KSR2: variants seen among roughly 807,000 people sequenced by gnomAD.
The protein encoded by KSR2 is kinase suppressor of ras 2.
A neutral mutation model predicts 107.8 loss-of-function variants in KSR2; 25 were observed. That is an observed-to-expected ratio of 0.23 (90% CI 0.17 to 0.32). KSR2 has a LOEUF of 0.32. Ranked by LOEUF, KSR2 falls within the 10% of genes least tolerant of loss-of-function variation. The probability of loss-of-function intolerance (pLI) is 1.00; values close to 1 mark genes in which losing one functional copy is unlikely to be tolerated. For missense variants in KSR2, 887 were observed against 1,268.9 expected (o/e 0.70, Z 4.57); for synonymous variants, 480 against 507.0 (o/e 0.95, Z 0.71).
chr12:117,779,796 C>T (rs1252822635), intron 3 of KSR2, among the ~76,000 whole-genome samples: 1 of 152,202 alleles, frequency 6.6e-6, no homozygotes, highest in Non-Finnish European at 1.5e-5. Flanking sequence ...CCATGCAGAA[C>T]TATAAGTCAA....
At chr12:117,619,221 T>A (rs905987730) in intron 5 of KSR2, among the ~76,000 whole-genome samples, 2 of 152,064 alleles carry the variant, frequency 1.3e-5, no homozygotes. Context: ...TTTTTTTTTT[T>A]TTATTCTACT....
rs867759350 is a variant in KSR2, at chr12:117,667,414, G to A, written c.1171+60C>T. The A allele has an allele frequency of 9.4e-6, 14 of 1,488,096 alleles. No individual in the cohort carries two copies. The Middle Eastern group carries it at 2.4e-3, about 252-fold the overall frequency. The allele number at this position is 1,488,096 out of a possible 1,614,324, so 92.2% of individuals were successfully genotyped here. On this transcript the variant is annotated intron_variant, in intron 5 of 19. Coordinates refer to ENST00000339824, the MANE Select transcript of KSR2 (RefSeq NM_173598.6). ...GCACCTGGCACAGAGGACAGCAGGT[G>A]CTGGGGAGAAGGAGGTGGCATGGCA...
At position 117,572,427 on chromosome 12, in the gene KSR2, C is replaced by A. The variant is rs575278580; in HGVS notation, c.1325+6692G>T. Among the ~76,000 whole-genome samples, 28 of 152,186 alleles carry A rather than the reference C, an allele frequency of 1.8e-4. No individual in the cohort carries two copies. The East Asian group carries it at 4.8e-3, about 26-fold the overall frequency. On this transcript the variant is annotated intron_variant, in intron 7 of 19. Coordinates refer to ENST00000339824, the MANE Select transcript of KSR2 (RefSeq NM_173598.6). ...AGGAAGTGGCAATGTTAAGCTTGCA[C>A]CTTGATCCCGAGATAGGTGGGGCCA...
At chr12:117,646,944 C>G (rs1883674776) in intron 5 of KSR2, among the ~76,000 whole-genome samples, 1 of 151,810 alleles carries the variant, frequency 6.6e-6, no homozygotes, top group African/African-American at 2.4e-5. Context: ...ATGATTACAG[C>G]CAGCGGGGAG....
At chr12:117,873,888 A>G (rs1330447886) in intron 1 of KSR2, among the ~76,000 whole-genome samples, 1 of 152,248 alleles carries the variant, frequency 6.6e-6, no homozygotes, top group Non-Finnish European at 1.5e-5. Flanking sequence ...GGATAAGCAC[A>G]GAAATCAAGA....
intron 5 of KSR2, among the ~76,000 whole-genome samples, chr12:117,611,774 A>G (rs1473480768): frequency 6.6e-6 from 1 of 152,218 alleles, no homozygotes; most frequent in Non-Finnish European, 1.5e-5. Context: ...CACCTTTGTG[A>G]TTTCAGCCCT....
chr12:117,855,282 C>T (rs1320650307), intron 3 of KSR2, 146 bp downstream of exon 3: 6 of 1,019,880 alleles, frequency 5.9e-6, no homozygotes, highest in East Asian at 2.6e-5. Flanking sequence ...CCCAGGTCCA[C>T]GCTGCCTCTT....
chr12:117,893,626 C>A (rs1894414511), intron 1 of KSR2, among the ~76,000 whole-genome samples: 1 of 152,172 alleles, frequency 6.6e-6, no homozygotes, highest in South Asian at 2.1e-4. Context: ...CTAACACCCA[C>A]TCCAAATGAA....
At chr12:117,817,909 G>A (rs180952363) in intron 3 of KSR2, among the ~76,000 whole-genome samples, 416 of 151,936 alleles carry the variant, frequency 2.7e-3, no homozygotes, top group Non-Finnish European at 4.3e-3. Flanking sequence ...AAGACAAGGC[G>A]GGCCAACACA....
rs191767754 is a variant in KSR2, at chr12:117,471,466, A to G, written c.2583-146T>C. On this transcript the variant is annotated intron_variant, in intron 17 of 19. Coordinates refer to ENST00000339824, the MANE Select transcript of KSR2 (RefSeq NM_173598.6). ...TTCCTCATGGGGTTGGTATTTTGCC[A>G]TGTGCGACATACCTAAAGCTTTCTT... The G allele has an allele frequency of 9.5e-4, 702 of 741,620 alleles. 4 individuals are homozygous for G. In the African/African-American group the frequency reaches 0.012, roughly 12 times the overall value. The allele number at this position is 741,620 out of a possible 1,614,324, so 45.9% of individuals were successfully genotyped here.
At chr12:117,467,812 T>A in intron 19 of KSR2, 1 of 430,846 alleles carries the variant, frequency 2.3e-6, no homozygotes, top group Non-Finnish European at 4.5e-6. Flanking sequence ...TAAAAGATGT[T>A]CAGTACACAT....
chr12:117,730,950 C>T (rs1379143611), intron 4 of KSR2, among the ~76,000 whole-genome samples: 3 of 151,488 alleles, frequency 2.0e-5, no homozygotes, highest in Non-Finnish European at 4.4e-5. Flanking sequence ...AAGTGAGGAG[C>T]GTCTCTGCCT....
intron 4 of KSR2, among the ~76,000 whole-genome samples, chr12:117,736,417 C>T (rs1887939592): frequency 6.6e-6 from 1 of 152,196 alleles, no homozygotes; most frequent in Admixed American, 6.5e-5. Flanking sequence ...CAGTGCCTGG[C>T]CCATAATAAG....
chr12:117,650,866 GC>G (rs1411238748), intron 5 of KSR2, among the ~76,000 whole-genome samples: 4 of 152,206 alleles, frequency 2.6e-5, no homozygotes, highest in African/African-American at 9.6e-5. Context: ...TACTAAGATT[GC>G]CCTGAGTGAG....
Position 117,784,524 on chromosome 12 carries a change from A to T in KSR2, c.473-23000T>A, listed in dbSNP as rs1269810447. ...GCTAATACAGTCAGGTAATTAGCAC[A>T]GTACCAAATAGGGAGTTGTTCAGCA... On this transcript the variant is annotated intron_variant, in intron 3 of 19. Coordinates refer to ENST00000339824, the MANE Select transcript of KSR2 (RefSeq NM_173598.6). 4.6e-5 allele frequency among the ~76,000 whole-genome samples: 7 copies of T among 152,190 alleles called. No individual in the cohort carries two copies. In the East Asian group the frequency reaches 1.3e-3, roughly 29 times the overall value.
chr12:117,734,991 C>T (rs1887885727), intron 4 of KSR2, among the ~76,000 whole-genome samples: 1 of 152,174 alleles, frequency 6.6e-6, no homozygotes, highest in South Asian at 2.1e-4. Context: ...GCCCTCACGG[C>T]CTCCACTTTC....
chr12:117,555,443 C>T (rs1316849599), intron 8 of KSR2, 150 bp from the exon 9 acceptor site: 6 of 734,342 alleles, frequency 8.2e-6, no homozygotes, highest in Admixed American at 7.5e-5. Flanking sequence ...GTGGTGGGAT[C>T]AGGGTATACT....
intron 14 of KSR2, among the ~76,000 whole-genome samples, chr12:117,494,214 TG>T (rs1255178117): frequency 6.6e-6 from 1 of 152,094 alleles, no homozygotes; most frequent in Non-Finnish European, 1.5e-5. Flanking sequence ...ACAGCTTCTA[TG>T]GGGGTCTGCA....
At chr12:117,911,281 G>A (rs1177846500) in intron 1 of KSR2, among the ~76,000 whole-genome samples, 2 of 152,034 alleles carry the variant, frequency 1.3e-5, no homozygotes, top group African/African-American at 4.8e-5. Flanking sequence ...GAATATCAGA[G>A]GACATGATGT....
Sources: gnomAD v4.1 joint callset for allele counts (sites outside exome capture counted in the v4.1 genomes callset) on GRCh38, gnomAD v4.1.1 for gene constraint, MANE v1.5 for transcripts, NCBI Gene and HGNC (gene_info 2026-07-23, HGNC 2026-07-21) for gene names.